Variants in KIF22 observed in about 807,000 individuals in gnomAD.
KIF22 encodes kinesin-like protein KIF22.
A neutral mutation model predicts 73.0 loss-of-function variants in KIF22; 62 were observed. The ratio of observed to expected loss-of-function variants is 0.85; its 90% CI spans 0.69 to 1.05. The LOEUF is 1.05. KIF22 is among the 50% of genes least tolerant of loss of function. The pLI is 0.00. For missense variants in KIF22, 854 were observed against 870.1 expected (o/e 0.98, Z 0.23); for synonymous variants, 411 against 340.1 (o/e 1.21, Z -2.29).
chr16:29,800,167 A>C, intron 8 of KIF22, 119 bp downstream of exon 8: 1 of 1,251,568 alleles, frequency 8.0e-7, no homozygotes. Context: ...CATTAAATTC[A>C]CCCTAGGCCG....
chr16:29,804,855 G>A lies in KIF22; in HGVS notation c.1719G>A (p.Glu573=), dbSNP rs766682673. 6.8e-6 allele frequency: 11 copies of A among 1,613,520 alleles called. No homozygotes were observed. The highest frequency in any genetic ancestry group is 1.7e-4 in the Middle Eastern group (1 of 6,054). ...LDALEPEEKA[E]DCWELQISPE... ...CCCTAGAGCCTGAGGAGAAGGCTGA[G>A]GACTGCTGGGAGCTACAGATCAGCC... Residue 573 remains glutamate, a synonymous_variant, in exon 12 of 14, where the codon GAG becomes GAA. Coordinates refer to ENST00000160827, the MANE Select transcript of KIF22 (RefSeq NM_007317.3).
rs79015845 is a variant in KIF22 at position 29,799,857 on chromosome 16, G to A, written c.1145-56G>A. 2,809 of 1,612,514 alleles carry A rather than the reference G, an allele frequency of 1.7e-3. 65 individuals are homozygous for A. In the East Asian group the frequency reaches 0.049, roughly 28 times the overall value. ...AGTTTGTTGAAACCACCAAGCATCA[G>A]CACAGAGGCTGACCACCCCCAATCC... On this transcript the variant is annotated intron_variant, in intron 7 of 13. Transcript: ENST00000160827.
In KIF22 at chr16:29,803,450, G is replaced by A. The variant is rs1187277125; in HGVS notation, c.1451G>A (p.Arg484Lys). The A allele has an allele frequency of 6.2e-7, 1 of 1,614,106 alleles. No homozygotes were observed. The highest frequency in any genetic ancestry group is 8.5e-7 in the Non-Finnish European group (1 of 1,180,012). ...TVEEKDLEIE[R>K]LKTKQKELEA... ...CATCTCCCTGATCCTTTCCAACAGA[G>A]GCTTAAGACGAAGCAAAAAGAACTG... Residue 484 changes from arginine (R) to lysine (K), a missense_variant and splice_region_variant, in exon 10 of 14, where the codon AGG (arginine) becomes AAG (lysine). Physicochemically the swap from Arg to Lys is conservative, Grantham distance 26 (BLOSUM62 2). Around this residue, in one of 3 missense-constraint regions of KIF22, gnomAD observed 423 missense variants for 365.4 expected, o/e 1.16. Coordinates refer to ENST00000160827, the MANE Select transcript of KIF22 (RefSeq NM_007317.3).
At position 29,798,761 on chromosome 16, in the gene KIF22, C is replaced by T; in HGVS notation, c.549+14C>T. 1 of 1,612,060 alleles carries T rather than the reference C, an allele frequency of 6.2e-7. No homozygotes were observed. The highest frequency in any genetic ancestry group is 8.5e-7 in the Non-Finnish European group (1 of 1,178,938). Reference sequence around the variant, plus strand: ...TACCAGGAGAAGGTGAGGCCCCGTGCTGGTTGGGAGAGGAGCAACAAAGGG... The same window carrying T: ...TACCAGGAGAAGGTGAGGCCCCGTGTTGGTTGGGAGAGGAGCAACAAAGGG... On this transcript the variant is annotated intron_variant, in intron 4 of 13. Transcript: ENST00000160827. This position sits in a 1 kb window ranked among gnomAD's most constrained non-coding sequence, Gnocchi z 4.1.
At chr16:29,804,622 T>C in intron 11 of KIF22, 192 bp from the exon 12 acceptor site, 1 of 699,140 alleles carries the variant, frequency 1.4e-6, no homozygotes, top group Non-Finnish European at 2.6e-6. Context: ...TACTGAGTAG[T>C]ACCTCTCTTT....
chr16:29,803,721 C>T lies in KIF22; in HGVS notation c.1609+113C>T, dbSNP rs909100237. On this transcript the variant is annotated intron_variant, in intron 10 of 13. Coordinates refer to ENST00000160827, the MANE Select transcript of KIF22 (RefSeq NM_007317.3). Reference sequence around the variant, plus strand: ...CATATTCTCCCACCACATACCAGTCCCAGGGAGGGGTGAGGAGGCTCTGAG... The same window carrying T: ...CATATTCTCCCACCACATACCAGTCTCAGGGAGGGGTGAGGAGGCTCTGAG... The T allele has an allele frequency of 2.1e-4, 198 of 948,040 alleles. 1 individual carries two copies. The highest frequency in any genetic ancestry group is 3.0e-4 in the Non-Finnish European group (189 of 631,476). The allele number at this position is 948,040 out of a possible 1,614,324, so 58.7% of individuals were successfully genotyped here. A position where few individuals can be genotyped will look rare whatever the true frequency, so the allele number is the denominator to read the frequency against.
rs1327082395 is a variant in KIF22, at chr16:29,805,040, G to A, written c.1890+14G>A. 5 of 1,611,990 alleles carry A rather than the reference G, an allele frequency of 3.1e-6. No individual in the cohort carries two copies. The highest frequency in any genetic ancestry group is 1.7e-5 in the Admixed American group (1 of 59,948). ...CCCTTCAGCCAGGTAGCAGCCCACT[G>A]GACTGGGGGAGGGCGGGGGCGGGGG... On this transcript the variant is annotated intron_variant, in intron 12 of 13. Transcript: ENST00000160827.
At chr16:29,804,468 C>A (rs964861274) in intron 11 of KIF22, 3 of 646,676 alleles carry the variant, frequency 4.6e-6, no homozygotes, top group Non-Finnish European at 8.5e-6. Flanking sequence ...TTACTTTCTC[C>A]CATGTACTTT....
chr16:29,798,380 T>G lies in KIF22; in HGVS notation c.273T>G (p.Asp91Glu). 6.4e-7 allele frequency: 1 copy of G among 1,550,896 alleles called. No individual in the cohort carries two copies. Among genetic ancestry groups the G allele is most frequent in the Non-Finnish European group, 8.8e-7 (1 of 1,139,118 alleles). ...NHQETLKYQF[D>E]AFYGERSTQQ... ...TCTTTCTTTCTTCCTGCAGGTTTGA[T>G]GCCTTCTATGGGGAGAGGAGTACTC... The change falls in exon 3 of 14, where the codon GAT (aspartate) becomes GAG (glutamate). Residue 91 changes from aspartate to glutamate, a missense_variant. By Grantham distance (45) the Asp-to-Glu change is conservative. Transcript: ENST00000160827. The surrounding 1 kb of genome is among the most constrained non-coding windows in gnomAD (Gnocchi z 4.1).
intron 10 of KIF22, 40 bp from the exon 11 acceptor site, chr16:29,803,958 A>T (rs759736825): frequency 3.3e-6 from 5 of 1,513,958 alleles, no homozygotes; most frequent in Non-Finnish European, 4.6e-6. Flanking sequence ...GGTGAAAAGT[A>T]CCCTTTGCCC....
At chr16:29,796,825 C>G (rs1898963767) in intron 1 of KIF22, 68 bp from the exon 2 acceptor site, 1 of 1,503,018 alleles carries the variant, frequency 6.7e-7, no homozygotes, top group Non-Finnish European at 9.2e-7. Flanking sequence ...GCCCGCCCAG[C>G]AAAGTTGGTC....
chr16:29,805,264 C>G lies in KIF22; in HGVS notation c.1952C>G (p.Ala651Gly). Residue 651 changes from alanine (A) to glycine (G), a missense_variant and splice_region_variant, in exon 14 of 14, where the codon GCA (alanine) becomes GGA (glycine). Physicochemically the swap from Ala to Gly is moderately conservative, Grantham distance 60 (BLOSUM62 0). Transcript: ENST00000160827. ...GTCTCCCTCCCTCCTGTGTTGCAGG[C>G]AAACATCCTGGGTCTCGCCGCCGGC... ...TGKQMESFLK[A>G]NILGLAAGQR... 2 of 1,614,146 alleles carry G rather than the reference C, an allele frequency of 1.2e-6. No individual in the cohort carries two copies. The highest frequency in any genetic ancestry group is 1.7e-6 in the Non-Finnish European group (2 of 1,180,040).
chr16:29,802,978 C>A, intron 9 of KIF22, 41 bp downstream of exon 9: 1 of 1,587,878 alleles, frequency 6.3e-7, no homozygotes, highest in Non-Finnish European at 8.6e-7. Flanking sequence ...TCCTATTGGC[C>A]TTGAGAAGCA....
At chr16:29,800,097 C>G in intron 8 of KIF22, 49 bp downstream of exon 8, 2 of 1,562,116 alleles carry the variant, frequency 1.3e-6, no homozygotes, top group Non-Finnish European at 1.7e-6. Flanking sequence ...TATGGCTTAG[C>G]AGCAGAGCTG....
In KIF22 at chr16:29,790,934, G is replaced by A. The variant is rs1174278937; in HGVS notation, c.70+105G>A. On this transcript the variant is annotated intron_variant, in intron 1 of 13. Transcript: ENST00000160827. ...CTCTGCGGGTTGTCGCGGAGAGGCG[G>A]CCATGGCGCAGGGGCGGGGAGAGGG... 3 of 1,523,348 alleles carry A rather than the reference G, an allele frequency of 2.0e-6. No homozygotes were observed. In the East Asian group the frequency reaches 7.5e-5, roughly 38 times the overall value. 94.4% of individuals were successfully genotyped at this position (1,523,348 alleles called of 1,614,324 possible).
rs1898965086 is a variant in KIF22 at position 29,796,875 on chromosome 16, T to C, written c.71-18T>C. On this transcript the variant is annotated intron_variant, in intron 1 of 13. Coordinates refer to ENST00000160827, the MANE Select transcript of KIF22 (RefSeq NM_007317.3). ...TACCACCATACTTCATGTCTAAAAG[T>C]GATCTTCTCTCCTCCAGGAGCTGGT... 6 of 1,613,014 alleles carry C rather than the reference T, an allele frequency of 3.7e-6. No homozygotes were observed. Among genetic ancestry groups the C allele is most frequent in the Non-Finnish European group, 5.1e-6 (6 of 1,179,330 alleles).
In KIF22 at chr16:29,799,383, G is replaced by A. The variant is rs193118115; in HGVS notation, c.879G>A (p.Glu293=). The part of the protein sequence containing the change: ...RTGNKGLRLK[E]SGAINTSLFV... ...GCAACAAGGGCCTTCGGCTAAAAGA[G>A]AGTGGAGCCATCAACACCTCCCTGT... The change falls in exon 6 of 14, where the codon GAG becomes GAA. Residue 293 remains glutamate (E), a synonymous_variant. Coordinates refer to ENST00000160827, the MANE Select transcript of KIF22 (RefSeq NM_007317.3). 16 of 1,614,280 alleles carry A rather than the reference G, an allele frequency of 9.9e-6. No individual in the cohort carries two copies. The highest frequency in any genetic ancestry group is 1.4e-5 in the Non-Finnish European group (16 of 1,180,056).
At chr16:29,794,990 T>G (rs1034898262) in intron 1 of KIF22, among the ~76,000 whole-genome samples, 17 of 152,008 alleles carry the variant, frequency 1.1e-4, no homozygotes, top group African/African-American at 3.1e-4. Flanking sequence ...CACTTCTGTC[T>G]GACCAGAGTC....
chr16:29,805,382 G>C lies in KIF22; in HGVS notation c.*72G>C. On this transcript the variant is annotated 3_prime_UTR_variant, in exon 14 of 14. Transcript: ENST00000160827. ...GTTGTGTAAATACAGTTTTTGCTCC[G>C]GTGCTTCCGCCTGATTTTTGGGGCT... The C allele has an allele frequency of 6.6e-7, 1 of 1,518,374 alleles. No individual in the cohort carries two copies. Among genetic ancestry groups the C allele is most frequent in the Middle Eastern group, 1.7e-4 (1 of 5,866 alleles). The allele number at this position is 1,518,374 out of a possible 1,614,324, so 94.1% of individuals were successfully genotyped here.
Sources: gnomAD v4.1 joint callset for allele counts (sites outside exome capture counted in the v4.1 genomes callset) on GRCh38, gnomAD v4.1.1 for gene constraint, gnomAD v4.1.1 regional missense constraint, Gnocchi (gnomAD v3.1) non-coding constraint, MANE v1.5 for transcripts, NCBI Gene and HGNC (gene_info 2026-07-23, HGNC 2026-07-21) for gene names.